Variants in RBPJL observed in about 807,000 individuals in gnomAD.
RBPJL encodes recombining binding protein suppressor of hairless-like protein.
In RBPJL, 50 loss-of-function variants were observed where a neutral mutation model predicts 57.6. That is an observed-to-expected ratio of 0.87 (90% CI 0.69 to 1.10). The LOEUF (loss-of-function observed/expected upper bound fraction) is 1.10. Among genes scored for constraint, RBPJL ranks in the 50% least tolerant of loss-of-function variants. The pLI is 0.00. For synonymous variants in RBPJL, 303 were observed against 294.4 expected, an observed-to-expected ratio of 1.03 and a Z score of -0.30; for missense variants, 684 against 693.7, an observed-to-expected ratio of 0.99 and a Z score of 0.16.
chr20:45,312,659 AAGTTGAACTAGGCAGG>A, intron 6 of RBPJL, among the ~76,000 whole-genome samples: 1 of 152,194 alleles, frequency 6.6e-6, no homozygotes, highest in South Asian at 2.1e-4. Context: ...GAGCAGACAA[AAGTTGAACTAGGCAGG>A]AGTTGAACTA....
At chr20:45,312,107 T>C in intron 5 of RBPJL, 114 bp from the exon 6 acceptor site, 10 of 1,523,002 alleles carry the variant, frequency 6.6e-6, no homozygotes, top group Non-Finnish European at 9.0e-6. Flanking sequence ...AGAGCCTGGA[T>C]GGTGGAGCTT....
At chr20:45,315,905 AAG>A (rs199634283) in intron 9 of RBPJL, 67 of 358,828 alleles carry the variant, frequency 1.9e-4, no homozygotes, top group Middle Eastern at 1.4e-3. Flanking sequence ...GAAAGGAAAA[AAG>A]AGAGAGAAAG....
In RBPJL at chr20:45,312,252, C is replaced by T. The variant is rs1987215899; in HGVS notation, c.476C>T (p.Ser159Leu). Residue 159 changes from serine to leucine, a missense_variant, in exon 6 of 12, where the codon TCA becomes TTA. Physicochemically the swap from Ser to Leu is moderately radical, Grantham distance 145 (BLOSUM62 -2). Coordinates refer to ENST00000343694, the MANE Select transcript of RBPJL (RefSeq NM_014276.4). Reference sequence around the variant, plus strand: ...GGCTGCGCCAAGACCCTGTACATCTCAGATGCAGACAAGAGGAAGCACTTT... The same window carrying T: ...GGCTGCGCCAAGACCCTGTACATCTTAGATGCAGACAAGAGGAAGCACTTT... ...EFGCAKTLYI[S>L]DADKRKHFRL... 6.2e-7 allele frequency: 1 copy of T among 1,614,262 alleles called. No individual in the cohort carries two copies. The highest frequency in any genetic ancestry group is 1.1e-5 in the South Asian group (1 of 91,090).
rs769320997 is a variant in RBPJL at position 45,316,199 on chromosome 20, C to G, written c.1033C>G (p.Pro345Ala). 2 of 1,614,066 alleles carry G rather than the reference C, an allele frequency of 1.2e-6. No individual in the cohort carries two copies. Among genetic ancestry groups the G allele is most frequent in the South Asian group, 2.2e-5 (2 of 91,084 alleles). The change falls in exon 10 of 12, where the codon CCC (proline) becomes GCC (alanine). Residue 345 changes from proline to alanine, a missense_variant. Pro to Ala is a conservative substitution (Grantham distance 27). Transcript: ENST00000343694. ...KVVQFQASPC[P>A]KEANRALLND... is the part of the protein sequence containing the mutation. ...GGTCTCCTCCCAGGCCTCTCCCTGC[C>G]CCAAGGAGGCGAACAGGGCTCTGCT...
intron 3 of RBPJL, among the ~76,000 whole-genome samples, chr20:45,310,391 G>A (rs1987102931): frequency 6.6e-6 from 1 of 152,106 alleles, no homozygotes; most frequent in African/African-American, 2.4e-5. Context: ...CGGATCACCT[G>A]AGGTCAGGAG....
At chr20:45,316,627 A>G (rs756900917) in intron 11 of RBPJL, 47 bp downstream of exon 11, 50 of 1,523,188 alleles carry the variant, frequency 3.3e-5, no homozygotes, top group Non-Finnish European at 4.2e-5. Flanking sequence ...GGAGCAGGGG[A>G]AGGGGGTGCA....
chr20:45,313,298 C>T (rs559807068), intron 6 of RBPJL, among the ~76,000 whole-genome samples, 170 bp from the exon 7 acceptor site: 1 of 151,986 alleles, frequency 6.6e-6, no homozygotes, highest in South Asian at 2.1e-4. Context: ...AACCCTCACC[C>T]TAATCCTAAT....
chr20:45,316,761 C>G lies in RBPJL; in HGVS notation c.1356C>G (p.Pro452=). The part of the protein sequence containing the change: ...FCSDWRWLRA[P]ITIPMSLVRA... ...GCGACTGGCGCTGGCTGCGCGCTCC[C>G]ATCACAATCCCCATGAGCCTGGTGC... Residue 452 remains proline (P), a synonymous_variant, in exon 12 of 12, where the codon CCC becomes CCG. Transcript: ENST00000343694. 1 of 1,613,802 alleles carries G rather than the reference C, an allele frequency of 6.2e-7. No individual in the cohort carries two copies. The highest frequency in any genetic ancestry group is 8.5e-7 in the Non-Finnish European group (1 of 1,179,828).
intron 1 of RBPJL, 33 bp from the exon 2 acceptor site, chr20:45,308,110 G>A (rs779165332): frequency 6.0e-6 from 9 of 1,511,544 alleles, no homozygotes; most frequent in African/African-American, 1.4e-5. Context: ...AAATACACTC[G>A]CCTGACCTGG....
At position 45,311,650 on chromosome 20, in the gene RBPJL, C is replaced by G. The variant is rs1042961966; in HGVS notation, c.319C>G (p.Gln107Glu). 2 of 1,613,984 alleles carry G rather than the reference C, an allele frequency of 1.2e-6. No homozygotes were observed. The highest frequency in any genetic ancestry group is 2.7e-5 in the African/African-American group (2 of 74,928). The change falls in exon 4 of 12, where the codon CAG becomes GAG. Residue 107 changes from glutamine (Q) to glutamate (E), a missense_variant. Coordinates refer to ENST00000343694, the MANE Select transcript of RBPJL (RefSeq NM_014276.4). ...SGPGWRVKPG[Q>E]DQAHQAGETG... ...GCCTGGCTGGAGGGTGAAGCCAGGG[C>G]AGGATCAAGGTGAGGGCGGAATCAA...
At position 45,314,416 on chromosome 20, in the gene RBPJL, A is replaced by G. The variant is rs1987352500; in HGVS notation, c.871A>G (p.Ile291Val). 6.2e-7 allele frequency: 1 copy of G among 1,612,328 alleles called. No individual in the cohort carries two copies. Among genetic ancestry groups the G allele is most frequent in the Non-Finnish European group, 8.5e-7 (1 of 1,178,526 alleles). ...VTGITLPPMI[I>V]RKVAKQCALL... ...TCTTACCATCCTTCCATTGCAGATC[A>G]TCCGTAAAGTAGCAAAACAGTGTGC... Residue 291 changes from isoleucine to valine, a missense_variant, in exon 9 of 12, where the codon ATC (isoleucine) becomes GTC (valine). Coordinates refer to ENST00000343694, the MANE Select transcript of RBPJL (RefSeq NM_014276.4).
Position 45,317,148 on chromosome 20 carries a change from G to A in RBPJL, c.*189G>A, listed in dbSNP as rs887041381. ...TCCCTCCCTTGTCCTTACACATACA[G>A]GAAGACAAGACCTGAGTGGTGCTGT... On this transcript the variant is annotated 3_prime_UTR_variant, in exon 12 of 12. Coordinates refer to ENST00000343694, the MANE Select transcript of RBPJL (RefSeq NM_014276.4). The A allele has an allele frequency of 6.3e-6, 4 of 639,388 alleles. No individual in the cohort carries two copies. Among genetic ancestry groups the A allele is most frequent in the Non-Finnish European group, 8.0e-6 (3 of 373,944 alleles). 39.6% of individuals were successfully genotyped at this position (639,388 alleles called of 1,614,324 possible). A position where few individuals can be genotyped will look rare whatever the true frequency, so the allele number is the denominator to read the frequency against.
At chr20:45,316,371 A>C in intron 10 of RBPJL, 29 bp downstream of exon 10, 1 of 1,612,196 alleles carries the variant, frequency 6.2e-7, no homozygotes, top group Non-Finnish European at 8.5e-7. Context: ...GGCGTTGGGC[A>C]GGGGGACCCT....
At position 45,309,697 on chromosome 20, in the gene RBPJL, G is replaced by C; in HGVS notation, c.257+5G>C. On this transcript the variant is annotated splice_donor_5th_base_variant and intron_variant, in intron 3 of 11. Coordinates refer to ENST00000343694, the MANE Select transcript of RBPJL (RefSeq NM_014276.4). ...ATCATACGGAAATGAGAAGCGGTAGGTGCCTCCGCAGCCCCTCCCAGGTCT... is the reference window on the plus strand; with the variant it reads ...ATCATACGGAAATGAGAAGCGGTAGCTGCCTCCGCAGCCCCTCCCAGGTCT... 6.2e-7 allele frequency: 1 copy of C among 1,613,458 alleles called. No individual in the cohort carries two copies. The highest frequency in any genetic ancestry group is 8.5e-7 in the Non-Finnish European group (1 of 1,179,708).
At chr20:45,316,414 G>T (rs916674320) in intron 10 of RBPJL, 63 bp from the exon 11 acceptor site, 10 of 1,580,952 alleles carry the variant, frequency 6.3e-6, no homozygotes, top group South Asian at 4.5e-5. Flanking sequence ...GCTAGTGAGT[G>T]GGGGGCAGCG....
chr20:45,311,175 AAAAG>A (rs933197332), intron 3 of RBPJL, among the ~76,000 whole-genome samples: 72 of 150,484 alleles, frequency 4.8e-4, no homozygotes, highest in Non-Finnish European at 8.2e-4. Flanking sequence ...ATGAAAGAAA[AAAAG>A]AAAGAAAGAG....
intron 6 of RBPJL, 124 bp downstream of exon 6, chr20:45,312,519 T>C (rs1987237155): frequency 2.1e-6 from 2 of 972,110 alleles, no homozygotes; most frequent in South Asian, 1.7e-5. Flanking sequence ...AAAGGTGGAG[T>C]CGGAGCCGAG....
Position 45,311,581 on chromosome 20 carries a change from C to T in RBPJL, c.258-8C>T, listed in dbSNP as rs760750183. Reference sequence around the variant, plus strand: ...ATGCACGACTCCAACACTCACTTATCTCCGCAGGTTCTTCTGCCCCCCGCC... The same window carrying T: ...ATGCACGACTCCAACACTCACTTATTTCCGCAGGTTCTTCTGCCCCCCGCC... On this transcript the variant is annotated splice_polypyrimidine_tract_variant and splice_region_variant and intron_variant, in intron 3 of 11. Coordinates refer to ENST00000343694, the MANE Select transcript of RBPJL (RefSeq NM_014276.4). The T allele has an allele frequency of 4.3e-6, 7 of 1,614,078 alleles. No homozygotes were observed. The highest frequency in any genetic ancestry group is 5.1e-6 in the Non-Finnish European group (6 of 1,179,958).
chr20:45,313,662 C>A, intron 7 of RBPJL, 57 bp downstream of exon 7: 1 of 1,482,398 alleles, frequency 6.7e-7, no homozygotes, highest in South Asian at 1.3e-5. Context: ...GCTTATTTAA[C>A]CTCCACCACA....
Sources: allele counts gnomAD v4.1 joint callset (sites outside exome capture counted in the v4.1 genomes callset), GRCh38; gene constraint gnomAD v4.1.1; transcripts MANE v1.5; gene names NCBI Gene and HGNC (gene_info 2026-07-23, HGNC 2026-07-21).